RBL1: variants seen among roughly 807,000 people sequenced by gnomAD.
RBL1 encodes the protein RB transcriptional corepressor like 1.
Under a neutral mutation model 123.0 loss-of-function variants are expected in RBL1, and 82 were observed. The ratio of observed to expected loss-of-function variants is 0.67; its 90% CI spans 0.56 to 0.80. The LOEUF (loss-of-function observed/expected upper bound fraction) is 0.80. Among genes scored for constraint, RBL1 ranks in the 30% least tolerant of loss-of-function variants. The pLI, the probability that RBL1 is intolerant of heterozygous loss-of-function variation, is 0.00. For missense variants in RBL1, 1,171 were observed against 1,299.6 expected (o/e 0.90, Z 1.52); for synonymous variants, 405 against 441.3 (o/e 0.92, Z 1.03).
At chr20:37,078,094 C>A (rs1487974316) in intron 2 of RBL1, among the ~76,000 whole-genome samples, 1 of 152,076 alleles carries the variant, frequency 6.6e-6, no homozygotes, top group Non-Finnish European at 1.5e-5. Flanking sequence ...CTCATGCTTC[C>A]CTCATTATTA....
intron 13 of RBL1, among the ~76,000 whole-genome samples, chr20:37,043,593 G>T (rs377662089): frequency 6.6e-6 from 1 of 152,058 alleles, no homozygotes; most frequent in Non-Finnish European, 1.5e-5. Context: ...AGTTTGGGCC[G>T]AGGAAGTTGA....
At chr20:37,032,907 T>C in intron 15 of RBL1, 31 bp from the exon 16 acceptor site, 1 of 1,611,376 alleles carries the variant, frequency 6.2e-7, no homozygotes, top group South Asian at 1.1e-5. Flanking sequence ...AGAAATAATC[T>C]GCATATGTTC....
Position 36,998,920 on chromosome 20 carries a change from C to A in RBL1, c.3046G>T (p.Asp1016Tyr), listed in dbSNP as rs1180491655. The A allele has an allele frequency of 1.9e-6, 3 of 1,610,858 alleles. No homozygotes were observed. The Admixed American group carries it at 5.1e-5, about 27-fold the overall frequency. Residue 1016 changes from aspartate (D) to tyrosine (Y), a missense_variant, in exon 22 of 22, where the codon GAT becomes TAT. Transcript: ENST00000373664. ...CCTTGCCTTATCATGTTGTTGATAT[C>A]TTTCAAACTCTGTGCAGAAATAGAG... Reference protein sequence around the residue: ...FNGSPSKSLKDINNMIRQGEQ... With the variant: ...FNGSPSKSLKYINNMIRQGEQ...
At chr20:37,020,051 T>C (rs1447757695) in intron 18 of RBL1, among the ~76,000 whole-genome samples, 2 of 151,572 alleles carry the variant, frequency 1.3e-5, no homozygotes, top group East Asian at 1.9e-4. Context: ...AAAAATAAAG[T>C]CATATAATTA....
At chr20:37,012,770 C>G (rs1201512062) in intron 19 of RBL1, among the ~76,000 whole-genome samples, 1 of 150,960 alleles carries the variant, frequency 6.6e-6, no homozygotes, top group Admixed American at 6.6e-5. Context: ...GGCCAGCCAC[C>G]CAGTCCGGGA....
intron 4 of RBL1, 27 bp from the exon 5 acceptor site, chr20:37,067,148 A>G: frequency 1.3e-6 from 2 of 1,560,738 alleles, no homozygotes; most frequent in Non-Finnish European, 8.6e-7. Context: ...AAAAAAAAAA[A>G]GACACAAAAA....
chr20:37,011,007 CA>C (rs2064140339), intron 19 of RBL1, among the ~76,000 whole-genome samples: 1 of 151,748 alleles, frequency 6.6e-6, no homozygotes, highest in Non-Finnish European at 1.5e-5. Flanking sequence ...TTTTTGCAGA[CA>C]GGGGTCTTGC....
intron 2 of RBL1, among the ~76,000 whole-genome samples, chr20:37,069,994 C>T (rs1193356645): frequency 6.6e-6 from 1 of 152,184 alleles, no homozygotes; most frequent in African/African-American, 2.4e-5. Flanking sequence ...TGAGAACGGG[C>T]CAGGATGACA....
At chr20:37,068,218 C>A (rs907708240) in intron 2 of RBL1, 32 bp from the exon 3 acceptor site, 1 of 1,518,754 alleles carries the variant, frequency 6.6e-7, no homozygotes, top group Non-Finnish European at 8.8e-7. Flanking sequence ...AAAAAGGCAC[C>A]TTTAAAATTC....
In RBL1 at chr20:37,044,069, G is replaced by A; in HGVS notation, c.1770+17C>T. The A allele has an allele frequency of 2.8e-6, 4 of 1,449,470 alleles. No homozygotes were observed. Among genetic ancestry groups the A allele is most frequent in the Non-Finnish European group, 3.7e-6 (4 of 1,069,328 alleles). 89.8% of individuals were successfully genotyped at this position (1,449,470 alleles called of 1,614,324 possible). On this transcript the variant is annotated intron_variant, in intron 13 of 21. Transcript: ENST00000373664. Reference sequence around the variant, plus strand: ...TTTTTTTTTAATGATACGATTATCAGCCTTGCCCAGACTCACTTCTTCACA... The same window carrying A: ...TTTTTTTTTAATGATACGATTATCAACCTTGCCCAGACTCACTTCTTCACA...
chr20:37,056,319 T>A, intron 9 of RBL1, 61 bp from the exon 10 acceptor site: 11 of 1,092,836 alleles, frequency 1.0e-5, no homozygotes, highest in Admixed American at 3.0e-5. Flanking sequence ...CAAAAAAGAC[T>A]CCACACCAGA....
At chr20:37,020,451 A>G (rs1304884123) in intron 18 of RBL1, among the ~76,000 whole-genome samples, 1 of 152,178 alleles carries the variant, frequency 6.6e-6, no homozygotes, top group Non-Finnish European at 1.5e-5. Flanking sequence ...AGTATATGAA[A>G]GTATATGGAT....
intron 21 of RBL1, among the ~76,000 whole-genome samples, chr20:36,999,605 C>T (rs974304352): frequency 3.3e-5 from 5 of 152,036 alleles, no homozygotes; most frequent in Non-Finnish European, 7.4e-5. Flanking sequence ...GATTCTCCTG[C>T]CTCAGCCTGC....
At chr20:37,071,670 A>G (rs1184222251) in intron 2 of RBL1, among the ~76,000 whole-genome samples, 4 of 151,832 alleles carry the variant, frequency 2.6e-5, no homozygotes, top group Non-Finnish European at 5.9e-5. Flanking sequence ...AAGAAACGTG[A>G]CCTCCAATGT....
chr20:37,079,203 C>CA (rs760548490), intron 2 of RBL1, among the ~76,000 whole-genome samples: 4,067 of 59,254 alleles, frequency 0.069, 173 homozygotes, highest in African/African-American at 0.18. Flanking sequence ...CTGTCTCAGC[C>CA]AAAAAAAAAA....
chr20:37,087,556 G>A (rs971249572), intron 2 of RBL1, among the ~76,000 whole-genome samples: 3 of 152,078 alleles, frequency 2.0e-5, no homozygotes, highest in African/African-American at 4.8e-5. Context: ...CACTGCACTC[G>A]AGGCCTGGGC....
At chr20:37,088,862 C>G (rs1026654172) in intron 2 of RBL1, 127 bp downstream of exon 2, 3 of 635,386 alleles carry the variant, frequency 4.7e-6, no homozygotes, top group Middle Eastern at 6.1e-4. Flanking sequence ...GACTGCGTCT[C>G]AAAAATAAAT....
At chr20:37,020,557 T>C in intron 18 of RBL1, 102 bp downstream of exon 18, 2 of 796,584 alleles carry the variant, frequency 2.5e-6, no homozygotes, top group South Asian at 3.4e-5. Context: ...ACAGAAAATC[T>C]GAAGTATATT....
intron 9 of RBL1, among the ~76,000 whole-genome samples, chr20:37,058,794 GCT>G (rs2065052656): frequency 6.6e-6 from 1 of 150,388 alleles, no homozygotes; most frequent in African/African-American, 2.4e-5. Context: ...ATAGGGTCTC[GCT>G]CTGTTGCCCA....
Sources: gnomAD v4.1 joint callset for allele counts (sites outside exome capture counted in the v4.1 genomes callset) on GRCh38, gnomAD v4.1.1 for gene constraint, MANE v1.5 for transcripts, NCBI Gene and HGNC (gene_info 2026-07-23, HGNC 2026-07-21) for gene names.